Variants in XDH observed in about 807,000 individuals in gnomAD.
The protein encoded by XDH is xanthine dehydrogenase.
A neutral mutation model predicts 156.1 loss-of-function variants in XDH; 138 were observed. The ratio of observed to expected loss-of-function variants is 0.88; its 90% CI spans 0.77 to 1.02. XDH has a LOEUF of 1.02. Ranked by LOEUF, XDH falls within the 50% of genes least tolerant of loss-of-function variation. The probability of loss-of-function intolerance (pLI) is 0.00; values close to 1 mark genes in which losing one functional copy is unlikely to be tolerated. For missense variants in XDH, 1,849 were observed against 1,684.9 expected, an observed-to-expected ratio of 1.10 and a Z score of -1.71; for synonymous variants, 669 against 625.7, an observed-to-expected ratio of 1.07 and a Z score of -1.03.
chr2:31,376,316 T>C (rs528394914), intron 14 of XDH, among the ~76,000 whole-genome samples: 4 of 150,180 alleles, frequency 2.7e-5, no homozygotes, highest in Non-Finnish European at 3.0e-5. Context: ...GTAGTAATAA[T>C]AGTAGTAACA....
intron 4 of XDH, among the ~76,000 whole-genome samples, chr2:31,399,689 C>T (rs917307390): frequency 6.6e-6 from 1 of 152,162 alleles, no homozygotes; most frequent in South Asian, 2.1e-4. Context: ...GTGGTTCCCC[C>T]ATCCTGTTCT....
intron 16 of XDH, 61 bp from the exon 17 acceptor site, chr2:31,372,458 C>T: frequency 1.2e-6 from 2 of 1,607,244 alleles, no homozygotes; most frequent in South Asian, 1.1e-5. Context: ...TCTATGGGCC[C>T]AGGGGACACT....
chr2:31,390,927 A>T (rs1174881546), intron 6 of XDH, among the ~76,000 whole-genome samples: 2 of 152,190 alleles, frequency 1.3e-5, no homozygotes, highest in Non-Finnish European at 2.9e-5. Context: ...GTCTTTTGCA[A>T]ATATTTTTCT....
Position 31,366,907 on chromosome 2 carries a change from T to A in XDH, c.2285A>T (p.Glu762Val), listed in dbSNP as rs1685928694. 1 of 1,614,200 alleles carries A rather than the reference T, an allele frequency of 6.2e-7. No homozygotes were observed. The highest frequency in any genetic ancestry group is 2.2e-5 in the East Asian group (1 of 44,884). Residue 762 changes from glutamate (E) to valine (V), a missense_variant, in exon 21 of 36, where the codon GAG (glutamate) becomes GTG (valine). Physicochemically the swap from Glu to Val is moderately radical, Grantham distance 121. Transcript: ENST00000379416. ...GGTGTTCTGTGTAGACACAAAGAGC[T>A]CCATCTCCCCTGCCTCGCCTTTTGG... ...AVPKGEAGEM[E>V]LFVSTQNTMK...
At position 31,386,407 on chromosome 2, in the gene XDH, C is replaced by G. The variant is rs374906672; in HGVS notation, c.793+7G>C. Reference sequence around the variant, plus strand: ...GGCAGCCCCAGGGCAGCCTCCCTGGCCCTTACCAATCTCCGTGTTCCCCAC... The same window carrying G: ...GGCAGCCCCAGGGCAGCCTCCCTGGGCCTTACCAATCTCCGTGTTCCCCAC... On this transcript the variant is annotated splice_region_variant and intron_variant, in intron 9 of 35. Transcript: ENST00000379416. 6.2e-7 allele frequency: 1 copy of G among 1,612,220 alleles called. No individual in the cohort carries two copies.
chr2:31,339,592 C>A lies in XDH; in HGVS notation c.3671G>T (p.Gly1224Val). The change falls in exon 34 of 36, where the codon GGC becomes GTC. Residue 1224 changes from glycine (G) to valine (V), a missense_variant. By Grantham distance (109) the Gly-to-Val change is moderately radical. Coordinates refer to ENST00000379416, the MANE Select transcript of XDH (RefSeq NM_000379.4). Reference sequence around the variant, plus strand: ...TGCCGGGATCTTGTAGGTGCTAGGGCCACGGGTGTGCAGGCTCCCCTCGGG... The same window carrying A: ...TGCCGGGATCTTGTAGGTGCTAGGGACACGGGTGTGCAGGCTCCCCTCGGG... ...YSPEGSLHTR[G>V]PSTYKIPAFG... 3 of 1,614,176 alleles carry A rather than the reference C, an allele frequency of 1.9e-6. No homozygotes were observed. Among genetic ancestry groups the A allele is most frequent in the Non-Finnish European group, 2.5e-6 (3 of 1,180,030 alleles).
At chr2:31,339,843 T>A (rs1383057463) in intron 33 of XDH, among the ~76,000 whole-genome samples, 166 bp from the exon 34 acceptor site, 1 of 152,156 alleles carries the variant, frequency 6.6e-6, no homozygotes, top group Admixed American at 6.5e-5. Flanking sequence ...GGATAACCCA[T>A]CCGGACTTCT....
At chr2:31,377,963 C>A (rs1035584130) in intron 13 of XDH, among the ~76,000 whole-genome samples, 22 of 150,430 alleles carry the variant, frequency 1.5e-4, no homozygotes, top group Non-Finnish European at 2.4e-4. Flanking sequence ...TGAGGCCACA[C>A]TGAGCCGTGA....
At chr2:31,341,696 G>A (rs1353863387) in intron 32 of XDH, among the ~76,000 whole-genome samples, 2 of 152,126 alleles carry the variant, frequency 1.3e-5, no homozygotes, top group South Asian at 2.1e-4. Flanking sequence ...CAGAAACCTG[G>A]GGCTTTGAAT....
At chr2:31,410,505 AT>A (rs1359427794) in intron 1 of XDH, among the ~76,000 whole-genome samples, 11 of 152,244 alleles carry the variant, frequency 7.2e-5, no homozygotes, top group Admixed American at 7.2e-4. Flanking sequence ...GCCTCTATTA[AT>A]TATAAAGGTA....
chr2:31,396,518 C>T (rs554992701), intron 6 of XDH, among the ~76,000 whole-genome samples: 30 of 152,216 alleles, frequency 2.0e-4, no homozygotes, highest in African/African-American at 6.5e-4. Context: ...AAAAGCTTTT[C>T]AAGAAGTACT....
At chr2:31,406,524 A>G (rs750023835) in intron 1 of XDH, among the ~76,000 whole-genome samples, 14 of 152,246 alleles carry the variant, frequency 9.2e-5, no homozygotes, top group Admixed American at 2.0e-4. Flanking sequence ...TGGCAACTCC[A>G]TAAGAATGAA....
At chr2:31,383,598 G>A (rs1313931409) in intron 10 of XDH, among the ~76,000 whole-genome samples, 157 bp downstream of exon 10, 1 of 152,038 alleles carries the variant, frequency 6.6e-6, no homozygotes, top group Non-Finnish European at 1.5e-5. Flanking sequence ...GCAATGAATG[G>A]GGTCTCCTCC....
intron 31 of XDH, 133 bp downstream of exon 31, chr2:31,344,551 C>T (rs994834580): frequency 2.6e-5 from 27 of 1,028,500 alleles, no homozygotes; most frequent in Middle Eastern, 5.7e-4. Flanking sequence ...CTGAAATTAG[C>T]GGAAGTCTGT....
At chr2:31,370,666 C>A (rs567924792) in intron 17 of XDH, among the ~76,000 whole-genome samples, 188 bp from the exon 18 acceptor site, 78 of 152,262 alleles carry the variant, frequency 5.1e-4, no homozygotes, top group African/African-American at 1.8e-3. Flanking sequence ...AAATCCTCAC[C>A]ATGTTCAGGC....
intron 24 of XDH, among the ~76,000 whole-genome samples, chr2:31,358,038 A>C (rs952490625): frequency 6.6e-6 from 1 of 152,090 alleles, no homozygotes; most frequent in African/African-American, 2.4e-5. Flanking sequence ...TCAACGAGAC[A>C]GAAAGTTAAC....
rs573952620 is a variant in XDH, at chr2:31,334,513, A to C, written c.*1445T>G. 1 of 152,286 alleles carries C rather than the reference A, an allele frequency of 6.6e-6. No individual in the cohort carries two copies. The highest frequency in any genetic ancestry group is 1.9e-4 in the East Asian group (1 of 5,182). 9.4% of individuals were successfully genotyped at this position (152,286 alleles called of 1,614,324 possible). A position where few individuals can be genotyped will look rare whatever the true frequency, so the allele number is the denominator to read the frequency against. ...ATTAAATCACCATTTGGAGCAATAA[A>C]AGGGATGTTTGTTCTTCCCTTGTTC... On this transcript the variant is annotated 3_prime_UTR_variant, in exon 36 of 36. Transcript: ENST00000379416.
chr2:31,357,260 G>A (rs115422075), intron 24 of XDH, among the ~76,000 whole-genome samples: 369 of 152,284 alleles, frequency 2.4e-3, no homozygotes, highest in Non-Finnish European at 3.9e-3. Flanking sequence ...GCAGAAATCA[G>A]TGAAATTGAA....
chr2:31,391,848 T>G (rs1471928834), intron 6 of XDH, among the ~76,000 whole-genome samples: 1 of 152,250 alleles, frequency 6.6e-6, no homozygotes, highest in Non-Finnish European at 1.5e-5. Flanking sequence ...GTATTGCCTC[T>G]GATTCTATCT....
Sources: gnomAD v4.1 joint callset for allele counts (sites outside exome capture counted in the v4.1 genomes callset) on GRCh38, gnomAD v4.1.1 for gene constraint, MANE v1.5 for transcripts, NCBI Gene and HGNC (gene_info 2026-07-23, HGNC 2026-07-21) for gene names.